The following TMEM232 variants were observed in gnomAD, a reference collection of about 807,000 sequenced individuals.
The protein encoded by TMEM232 is transmembrane protein 232.
Under a neutral mutation model 78.8 loss-of-function variants are expected in TMEM232, and 80 were observed. The ratio of observed to expected loss-of-function variants is 1.01; its 90% confidence interval spans 0.85 to 1.22. TMEM232 has a LOEUF of 1.22. Among genes scored for constraint, TMEM232 ranks in the 50% most tolerant of loss-of-function variants. TMEM232 has a pLI of 0.00. For synonymous variants in TMEM232, 297 were observed against 254.3 expected, an observed-to-expected ratio of 1.17 and a Z score of -1.60; for missense variants, 881 against 742.2, an observed-to-expected ratio of 1.19 and a Z score of -2.17.
intron 12 of TMEM232, among the ~76,000 whole-genome samples, chr5:110,473,112 T>C (rs1450892888): frequency 6.7e-6 from 1 of 148,978 alleles, no homozygotes; most frequent in African/African-American, 2.5e-5. Context: ...ACTAAGAAAC[T>C]TCTACACAGC....
intron 2 of TMEM232, among the ~76,000 whole-genome samples, chr5:110,655,826 T>C (rs1047229507): frequency 2.0e-5 from 3 of 148,496 alleles, no homozygotes; most frequent in Non-Finnish European, 4.4e-5. Context: ...AAACACTGCA[T>C]GTTCTCACTC....
intron 11 of TMEM232, among the ~76,000 whole-genome samples, chr5:110,544,697 A>AT (rs568536722): frequency 6.6e-6 from 1 of 151,888 alleles, no homozygotes; most frequent in South Asian, 2.1e-4. Context: ...TTTTGAAAAT[A>AT]TTTTTTTTCT....
At chr5:110,690,209 ATG>A (rs1793938436) in intron 1 of TMEM232, among the ~76,000 whole-genome samples, 1 of 152,226 alleles carries the variant, frequency 6.6e-6, no homozygotes, top group South Asian at 2.1e-4. Flanking sequence ...AACCTACAGA[ATG>A]GAATAAAATT....
rs1490899989 is a variant in TMEM232, at chr5:110,640,010, T to C, written c.343+881A>G. On this transcript the variant is annotated intron_variant, in intron 4 of 13. Transcript: ENST00000455884. ...GTTTTGAGACCCCTGATTTAGACCATCCATGATTCACCCCCCTCGGGTTGG... is the reference window on the plus strand; with the variant it reads ...GTTTTGAGACCCCTGATTTAGACCACCCATGATTCACCCCCCTCGGGTTGG... Among the ~76,000 whole-genome samples, 4 of 152,180 alleles carry C rather than the reference T, an allele frequency of 2.6e-5. No individual in the cohort carries two copies. In the East Asian group the frequency reaches 7.7e-4, roughly 29 times the overall value.
chr5:110,715,865 T>A (rs1796955984), intron 1 of TMEM232, among the ~76,000 whole-genome samples: 1 of 152,222 alleles, frequency 6.6e-6, no homozygotes, highest in South Asian at 2.1e-4. Flanking sequence ...TGAAGCCTGC[T>A]ACCTGGAGAA....
rs531465425 is a variant in TMEM232, at chr5:110,635,060, C to T, written c.501+3138G>A. On this transcript the variant is annotated intron_variant, in intron 5 of 13. Coordinates refer to ENST00000455884, the MANE Select transcript of TMEM232 (RefSeq NM_001039763.4). ...GATCATCAGAGACTATTGTAAACAA[C>T]TATACACTAACAAACTGGAAACTGG... Among the ~76,000 whole-genome samples, 53 of 151,968 alleles carry T rather than the reference C, an allele frequency of 3.5e-4. 1 individual carries two copies. The highest frequency in any genetic ancestry group is 6.8e-3 in the Middle Eastern group (2 of 294).
At chr5:110,493,380 T>C (rs576914546) in intron 12 of TMEM232, among the ~76,000 whole-genome samples, 34 of 143,138 alleles carry the variant, frequency 2.4e-4, no homozygotes, top group Non-Finnish European at 3.4e-4. Flanking sequence ...AGCCAAGACA[T>C]TGAAAAAAAA....
chr5:110,582,776 A>G (rs1375544940), intron 10 of TMEM232, among the ~76,000 whole-genome samples: 4 of 151,994 alleles, frequency 2.6e-5, no homozygotes, highest in African/African-American at 9.7e-5. Context: ...ACCCCACAAA[A>G]TCAAGTGCGT....
intron 1 of TMEM232, among the ~76,000 whole-genome samples, chr5:110,705,883 C>T (rs760210629): frequency 1.3e-5 from 2 of 151,236 alleles, no homozygotes; most frequent in African/African-American, 4.9e-5. Flanking sequence ...AATCACGGAC[C>T]CTAATTTCAA....
At chr5:110,691,312 C>G (rs1310318703) in intron 1 of TMEM232, among the ~76,000 whole-genome samples, 1 of 152,156 alleles carries the variant, frequency 6.6e-6, no homozygotes, top group Non-Finnish European at 1.5e-5. Context: ...AATCCCTGTT[C>G]TGGCATACTT....
At chr5:110,428,785 C>T (rs1232739296) in intron 12 of TMEM232, among the ~76,000 whole-genome samples, 5 of 151,634 alleles carry the variant, frequency 3.3e-5, no homozygotes, top group African/African-American at 1.2e-4. Context: ...AATCTCATCT[C>T]GAGATCCTTA....
intron 1 of TMEM232, among the ~76,000 whole-genome samples, chr5:110,715,225 G>A (rs1281472346): frequency 6.6e-6 from 1 of 151,944 alleles, no homozygotes; most frequent in East Asian, 1.9e-4. Context: ...ATGTCATTTA[G>A]GTCATTCATG....
chr5:110,530,223 A>C (rs1393416891), intron 11 of TMEM232, among the ~76,000 whole-genome samples: 2 of 151,162 alleles, frequency 1.3e-5, no homozygotes, highest in Non-Finnish European at 2.9e-5. Context: ...AAACAGTTAA[A>C]GTAATGAGAA....
intron 1 of TMEM232, among the ~76,000 whole-genome samples, chr5:110,683,050 G>A (rs1368461388): frequency 3.3e-5 from 5 of 151,892 alleles, no homozygotes; most frequent in Middle Eastern, 3.2e-3. Context: ...CTACAAATAG[G>A]GATTATATTG....
rs377220261 is a variant in TMEM232, at chr5:110,523,472, GGTT to G, written c.1703+5113_1703+5115del. On this transcript the variant is annotated intron_variant, in intron 12 of 13. Coordinates refer to ENST00000455884, the MANE Select transcript of TMEM232 (RefSeq NM_001039763.4). ...TCTAGGTCCTTGAGGTGTAAATTTA[GGTT>G]GTTTATTTGAGATTTTTCTTTTTTA... Among the ~76,000 whole-genome samples the G allele has an allele frequency of 9.9e-5, 15 of 151,872 alleles. No homozygotes were observed. In the South Asian group the frequency reaches 2.1e-3, roughly 21 times the overall value.
intron 11 of TMEM232, among the ~76,000 whole-genome samples, chr5:110,551,986 G>T (rs1774527015): frequency 6.6e-6 from 1 of 152,008 alleles, no homozygotes; most frequent in Non-Finnish European, 1.5e-5. Context: ...CAAAAGTACT[G>T]AATTAGGTTC....
chr5:110,429,762 C>G (rs1757626265), intron 12 of TMEM232: 1 of 151,776 alleles, frequency 6.6e-6, no homozygotes, highest in South Asian at 2.1e-4. Flanking sequence ...CATAGACTCA[C>G]TGGTTGGTAT....
chr5:110,621,296 C>G (rs900940069), intron 7 of TMEM232, among the ~76,000 whole-genome samples: 1 of 152,076 alleles, frequency 6.6e-6, no homozygotes, highest in Non-Finnish European at 1.5e-5. Flanking sequence ...GTGCAGAAGA[C>G]CAAGAGTGAG....
At chr5:110,463,067 G>GC (rs1311700903) in intron 12 of TMEM232, among the ~76,000 whole-genome samples, 4 of 151,818 alleles carry the variant, frequency 2.6e-5, no homozygotes, top group Non-Finnish European at 1.5e-5. Flanking sequence ...CTCCATTTTT[G>GC]AAAAAAAGTT....
Sources: gnomAD v4.1 joint callset for allele counts (sites outside exome capture counted in the v4.1 genomes callset) on GRCh38, gnomAD v4.1.1 for gene constraint, MANE v1.5 for transcripts, NCBI Gene and HGNC (gene_info 2026-07-23, HGNC 2026-07-21) for gene names.